The following PSMA8 variants were observed in gnomAD, a reference collection of about 807,000 sequenced individuals.
PSMA8 encodes the protein proteasome 20S subunit alpha 8.
Under a neutral mutation model 32.4 loss-of-function variants are expected in PSMA8, and 18 were observed. That is an observed-to-expected ratio of 0.56 (90% CI 0.38 to 0.82). PSMA8 has a LOEUF of 0.82. Among genes scored for constraint, PSMA8 ranks in the 40% least tolerant of loss-of-function variants. PSMA8 has a pLI of 0.00. For synonymous variants in PSMA8, 104 were observed against 98.1 expected (o/e 1.06, Z -0.36); for missense variants, 298 against 300.7 (o/e 0.99, Z 0.07).
chr18:26,167,121 A>G (rs2055186690), intron 4 of PSMA8, among the ~76,000 whole-genome samples: 1 of 152,260 alleles, frequency 6.6e-6, no homozygotes, highest in African/African-American at 2.4e-5. Context: ...ATTAATGTAT[A>G]AAAAGCCAAG....
rs528189889 is a variant in PSMA8 at position 26,151,572 on chromosome 18, ATAT to A, written c.230-281_230-279del. ...TGAATATATATTTGATAATTAAGTA[ATAT>A]TATTGTTTTCATAAGAATAAATCAA... is the stretch of plus-strand genomic sequence containing the variant. On this transcript the variant is annotated intron_variant, in intron 2 of 6. Coordinates refer to ENST00000415576, the MANE Select transcript of PSMA8 (RefSeq NM_001025096.2). Among the ~76,000 whole-genome samples, 40 of 152,328 alleles carry A rather than the reference ATAT, an allele frequency of 2.6e-4. No individual in the cohort carries two copies. The South Asian group carries it at 3.7e-3, about 14-fold the overall frequency.
At chr18:26,144,747 C>A (rs2054989121) in intron 2 of PSMA8, 62 bp downstream of exon 2, 11 of 1,480,774 alleles carry the variant, frequency 7.4e-6, no homozygotes, top group Non-Finnish European at 1.0e-5. Flanking sequence ...ACACAGTTAA[C>A]CTCAGTGCTG....
chr18:26,179,978 C>T lies in PSMA8; in HGVS notation c.660+848C>T, dbSNP rs566492977. Among the ~76,000 whole-genome samples, 11 of 150,628 alleles carry T rather than the reference C, an allele frequency of 7.3e-5. No homozygotes were observed. In the South Asian group the frequency reaches 8.5e-4, roughly 12 times the overall value. Reference sequence around the variant, plus strand: ...AAAAAAAAAGGATTGTTGCCAGATGCGGTGGCTCACACCTGTAATCCCAGC... The same window carrying T: ...AAAAAAAAAGGATTGTTGCCAGATGTGGTGGCTCACACCTGTAATCCCAGC... On this transcript the variant is annotated intron_variant, in intron 6 of 6. Transcript: ENST00000415576.
At chr18:26,172,415 T>C (rs1384057891) in intron 4 of PSMA8, among the ~76,000 whole-genome samples, 1 of 152,172 alleles carries the variant, frequency 6.6e-6, no homozygotes, top group African/African-American at 2.4e-5. Flanking sequence ...TAAATGGGCA[T>C]AGTGATGTAC....
intron 4 of PSMA8, 139 bp from the exon 5 acceptor site, chr18:26,178,691 T>C (rs891069151): frequency 3.0e-5 from 21 of 711,298 alleles, no homozygotes; most frequent in Non-Finnish European, 4.6e-5. Flanking sequence ...ATGTTTGCTA[T>C]GTTTTCAAAT....
At chr18:26,143,673 A>G (rs1207856927) in intron 1 of PSMA8, among the ~76,000 whole-genome samples, 2 of 152,014 alleles carry the variant, frequency 1.3e-5, no homozygotes, top group African/African-American at 4.8e-5. Context: ...CACCACCACT[A>G]TGACTGCTGT....
At chr18:26,170,691 GGGAACAACTTAAACTA>G (rs1396612383) in intron 4 of PSMA8, 3 of 1,372,996 alleles carry the variant, frequency 2.2e-6, no homozygotes, top group Non-Finnish European at 3.0e-6. Context: ...CAGAGGGAGG[GGGAACAACTTAAACTA>G]GAAAACACCT....
chr18:26,179,588 G>A (rs763176918), intron 6 of PSMA8, among the ~76,000 whole-genome samples: 2 of 152,058 alleles, frequency 1.3e-5, no homozygotes, highest in African/African-American at 2.4e-5. Flanking sequence ...AGCCGTTATG[G>A]GTTAAAACTG....
intron 6 of PSMA8, among the ~76,000 whole-genome samples, chr18:26,188,487 A>G (rs1353809381): frequency 6.6e-6 from 1 of 152,162 alleles, no homozygotes; most frequent in Admixed American, 6.5e-5. Flanking sequence ...AATATAAAAA[A>G]AAATCATAAA....
chr18:26,179,520 T>C (rs2055292758), intron 6 of PSMA8, among the ~76,000 whole-genome samples: 1 of 152,220 alleles, frequency 6.6e-6, no homozygotes, highest in South Asian at 2.1e-4. Flanking sequence ...CGTAGCACGA[T>C]AACCTTTCCA....
chr18:26,160,457 A>G (rs1412839034), intron 4 of PSMA8, among the ~76,000 whole-genome samples: 1 of 152,232 alleles, frequency 6.6e-6, no homozygotes, highest in Non-Finnish European at 1.5e-5. Context: ...TCTAAAATCC[A>G]TTCTTGGAAG....
intron 2 of PSMA8, among the ~76,000 whole-genome samples, chr18:26,147,112 C>T (rs1403358824): frequency 6.6e-6 from 1 of 150,738 alleles, no homozygotes; most frequent in East Asian, 1.9e-4. Context: ...TCCCCATGAG[C>T]CAATCACCTT....
chr18:26,152,013 G>T (rs1184916072), intron 3 of PSMA8, 31 bp downstream of exon 3: 1 of 1,560,692 alleles, frequency 6.4e-7, no homozygotes. Flanking sequence ...ACTTTGTTAA[G>T]CTTTCTCCTT....
At chr18:26,166,804 A>G (rs1408596751) in intron 4 of PSMA8, among the ~76,000 whole-genome samples, 20 of 152,216 alleles carry the variant, frequency 1.3e-4, no homozygotes, top group Non-Finnish European at 2.9e-5. Flanking sequence ...GTTGTTTCCA[A>G]TGATTTGTTG....
intron 6 of PSMA8, among the ~76,000 whole-genome samples, chr18:26,190,932 C>G (rs976128520): frequency 6.6e-6 from 1 of 152,120 alleles, no homozygotes; most frequent in Non-Finnish European, 1.5e-5. Flanking sequence ...TTTCAGAGCC[C>G]ATGGAACTCC....
intron 1 of PSMA8, among the ~76,000 whole-genome samples, chr18:26,139,008 T>G (rs2054934108): frequency 6.6e-6 from 1 of 152,178 alleles, no homozygotes. Flanking sequence ...AGACAGACTT[T>G]AAAATGGCCT....
chr18:26,192,292 G>C, intron 6 of PSMA8, 27 bp from the exon 7 acceptor site: 1 of 1,443,600 alleles, frequency 6.9e-7, no homozygotes, highest in Non-Finnish European at 9.1e-7. Flanking sequence ...ACTGACATTT[G>C]ATCTTTAAAT....
At chr18:26,190,626 G>A (rs542821679) in intron 6 of PSMA8, among the ~76,000 whole-genome samples, 68 of 152,262 alleles carry the variant, frequency 4.5e-4, no homozygotes, top group African/African-American at 1.5e-3. Flanking sequence ...GTTCACATCT[G>A]TAGCCCCAGC....
intron 1 of PSMA8, among the ~76,000 whole-genome samples, chr18:26,138,690 G>C (rs1396717640): frequency 6.6e-6 from 1 of 152,192 alleles, no homozygotes; most frequent in South Asian, 2.1e-4. Context: ...AGGGAGACCA[G>C]TTAGTATTCT....
Sources: gnomAD v4.1 joint callset for allele counts (sites outside exome capture counted in the v4.1 genomes callset) on GRCh38, gnomAD v4.1.1 for gene constraint, MANE v1.5 for transcripts, NCBI Gene and HGNC (gene_info 2026-07-23, HGNC 2026-07-21) for gene names.